STN1: variants seen among roughly 807,000 people sequenced by gnomAD.
STN1 encodes CST complex subunit STN1.
A neutral mutation model predicts 45.5 loss-of-function variants in STN1; 29 were observed. That is an observed-to-expected ratio of 0.64 (90% confidence interval 0.47 to 0.87). The LOEUF (loss-of-function observed/expected upper bound fraction) is 0.87. Among genes scored for constraint, STN1 ranks in the 40% least tolerant of loss-of-function variants. The probability of loss-of-function intolerance (pLI) is 0.00; values close to 1 mark genes in which losing one functional copy is unlikely to be tolerated. For missense variants in STN1, 376 were observed against 441.4 expected, an observed-to-expected ratio of 0.85 and a Z score of 1.33; for synonymous variants, 148 against 159.0, an observed-to-expected ratio of 0.93 and a Z score of 0.52.
At chr10:103,893,806 C>T (rs1056951814) in intron 7 of STN1, among the ~76,000 whole-genome samples, 1 of 152,226 alleles carries the variant, frequency 6.6e-6, no homozygotes, top group African/African-American at 2.4e-5. Context: ...CAAATGTGTT[C>T]TCCTGGGCTA....
At chr10:103,906,524 G>T (rs10883947) in intron 3 of STN1, among the ~76,000 whole-genome samples, 9,725 of 152,108 alleles carry the variant, frequency 0.064, 356 homozygotes, top group African/African-American at 0.096. Flanking sequence ...AGCCAGGCTT[G>T]GTGGTATGTG....
chr10:103,887,325 A>G (rs924813864), intron 9 of STN1, among the ~76,000 whole-genome samples: 5 of 151,700 alleles, frequency 3.3e-5, no homozygotes, highest in African/African-American at 9.8e-5. Flanking sequence ...AAATAATATG[A>G]TATGTTTGTA....
At position 103,917,552 on chromosome 10, in the gene STN1, G is replaced by A. The variant is rs1048278776; in HGVS notation, c.43C>T (p.Leu15Phe). 1 of 1,614,160 alleles carries A rather than the reference G, an allele frequency of 6.2e-7. No individual in the cohort carries two copies. Among genetic ancestry groups the A allele is most frequent in the Non-Finnish European group, 8.5e-7 (1 of 1,180,006 alleles). Residue 15 changes from leucine to phenylalanine, a missense_variant, in exon 2 of 10, where the codon CTC (leucine) becomes TTC (phenylalanine). By Grantham distance (22) the Leu-to-Phe change is conservative. Coordinates refer to ENST00000224950, the MANE Select transcript of STN1 (RefSeq NM_024928.5). ...AACACAGGATCCAAACCCCACAAGA[G>A]GGAAGGGGTCTCCTCTTCACACCGG... Reference protein sequence around the residue: ...SSRCEEETPSLLWGLDPVFLA... With the variant: ...SSRCEEETPSFLWGLDPVFLA...
intron 2 of STN1, among the ~76,000 whole-genome samples, chr10:103,913,760 A>C (rs1217948925): frequency 6.6e-6 from 1 of 152,134 alleles, no homozygotes; most frequent in African/African-American, 2.4e-5. Context: ...GAGAAAGCTT[A>C]ATGAACTAAG....
chr10:103,895,574 G>C (rs1843165795), intron 7 of STN1, among the ~76,000 whole-genome samples: 1 of 152,206 alleles, frequency 6.6e-6, no homozygotes, highest in Non-Finnish European at 1.5e-5. Context: ...AAAGCAGCCA[G>C]TCGTGACCCT....
At position 103,882,829 on chromosome 10, in the gene STN1, C is replaced by A; in HGVS notation, c.962G>T (p.Gly321Val). 1.2e-6 allele frequency: 2 copies of A among 1,612,060 alleles called. No individual in the cohort carries two copies. Among genetic ancestry groups the A allele is most frequent in the Non-Finnish European group, 8.5e-7 (1 of 1,178,610 alleles). The change falls in exon 10 of 10, where the codon GGC becomes GTC. Residue 321 changes from glycine to valine, a missense_variant. By Grantham distance (109) the Gly-to-Val change is moderately radical. Coordinates refer to ENST00000224950, the MANE Select transcript of STN1 (RefSeq NM_024928.5). ...DCQKPNHMEK[G>V]CHFLHILACA... ...GGCCAAGATGTGCAGGAAGTGACAG[C>A]CCTTCTCCATGTCTGCAGGAAAAAG...
At chr10:103,888,323 C>T (rs1843116917) in intron 9 of STN1, among the ~76,000 whole-genome samples, 1 of 133,672 alleles carries the variant, frequency 7.5e-6, no homozygotes, top group Non-Finnish European at 1.6e-5. Context: ...TTTTCCAACA[C>T]TTCTTATTAT....
At chr10:103,890,132 A>G (rs936779722) in intron 8 of STN1, among the ~76,000 whole-genome samples, 2 of 152,198 alleles carry the variant, frequency 1.3e-5, no homozygotes, top group African/African-American at 4.8e-5. Flanking sequence ...GAAACAGAAA[A>G]AGAGAGAGGA....
rs74157364 is a variant in STN1 at position 103,890,339 on chromosome 10, G to C, written c.877-1195C>G. 4.7e-3 allele frequency among the ~76,000 whole-genome samples: 713 copies of C among 152,294 alleles called. 6 individuals carry two copies. Among genetic ancestry groups the C allele is most frequent in the African/African-American group, 0.016 (675 of 41,556 alleles). On this transcript the variant is annotated intron_variant, in intron 8 of 9. Transcript: ENST00000224950. ...GCTGCTGAACCTAGGAAAGCACTAG[G>C]CAAACAGAAGTGTTGACTTATTTTA...
intron 2 of STN1, among the ~76,000 whole-genome samples, chr10:103,913,860 C>T (rs1843307047): frequency 6.6e-6 from 1 of 151,834 alleles, no homozygotes; most frequent in Non-Finnish European, 1.5e-5. Context: ...ACATGCAGCC[C>T]ACAGAGGCCT....
At chr10:103,883,111 C>CT (rs1392009465) in intron 9 of STN1, among the ~76,000 whole-genome samples, 1 of 152,200 alleles carries the variant, frequency 6.6e-6, no homozygotes, top group East Asian at 1.9e-4. Context: ...ATTTTTTTAT[C>CT]TGTAACCTAG....
At chr10:103,913,686 G>C (rs1399389795) in intron 2 of STN1, among the ~76,000 whole-genome samples, 1 of 152,180 alleles carries the variant, frequency 6.6e-6, no homozygotes, top group Non-Finnish European at 1.5e-5. Context: ...CCATTTTCTT[G>C]TATCAAAGTG....
intron 6 of STN1, among the ~76,000 whole-genome samples, chr10:103,898,000 C>T (rs1213249702): frequency 6.6e-6 from 1 of 152,038 alleles, no homozygotes; most frequent in South Asian, 2.1e-4. Flanking sequence ...TGGAAACCCA[C>T]AAAATCTATG....
At chr10:103,910,867 T>C (rs1293344041) in intron 2 of STN1, among the ~76,000 whole-genome samples, 3 of 152,198 alleles carry the variant, frequency 2.0e-5, no homozygotes, top group African/African-American at 7.2e-5. Context: ...AAACCAACGC[T>C]GTCCAACTAG....
chr10:103,911,944 TGA>T (rs1459126540), intron 2 of STN1, among the ~76,000 whole-genome samples: 3 of 151,274 alleles, frequency 2.0e-5, no homozygotes, highest in Admixed American at 2.0e-4. Flanking sequence ...ACCAAGGGAG[TGA>T]GACGTGGTTT....
intron 2 of STN1, among the ~76,000 whole-genome samples, chr10:103,914,369 TATATA>T (rs1367491549): frequency 0.1 from 862 of 8,276 alleles, 5 homozygotes; most frequent in Non-Finnish European, 0.17. Context: ...TATATATATA[TATATA>T]TTTTTTTTTT....
At chr10:103,889,642 C>T (rs1589496800) in intron 8 of STN1, among the ~76,000 whole-genome samples, 1 of 149,694 alleles carries the variant, frequency 6.7e-6, no homozygotes, top group African/African-American at 2.5e-5. Context: ...AGCCTATCCA[C>T]TGAAACACAT....
At chr10:103,912,045 A>T (rs978056685) in intron 2 of STN1, among the ~76,000 whole-genome samples, 8 of 152,070 alleles carry the variant, frequency 5.3e-5, no homozygotes, top group Non-Finnish European at 7.4e-5. Context: ...GTGGTTGGAG[A>T]TTGTCCTCAG....
intron 4 of STN1, among the ~76,000 whole-genome samples, chr10:103,904,263 A>G (rs1186922895): frequency 6.6e-6 from 1 of 152,176 alleles, no homozygotes; most frequent in African/African-American, 2.4e-5. Context: ...CTCTAGAACC[A>G]AAAACCATCA....
Sources: gnomAD v4.1 joint callset for allele counts (sites outside exome capture counted in the v4.1 genomes callset) on GRCh38, gnomAD v4.1.1 for gene constraint, MANE v1.5 for transcripts, NCBI Gene and HGNC (gene_info 2026-07-23, HGNC 2026-07-21) for gene names.